The following TBL1XR1 variants were observed in gnomAD, a reference collection of about 807,000 sequenced individuals.
TBL1XR1 encodes F-box-like/WD repeat-containing protein TBL1XR1.
TBL1XR1 carries 5 observed loss-of-function variants against 66.9 expected under a neutral mutation model. The ratio of observed to expected loss-of-function variants is 0.07; its 90% confidence interval spans 0.04 to 0.16. The LOEUF (loss-of-function observed/expected upper bound fraction) is 0.16, where lower values mean the gene tolerates loss of function less well. Ranked by LOEUF, TBL1XR1 falls within the 10% of genes least tolerant of loss-of-function variation. TBL1XR1 has a pLI of 1.00. For missense variants in TBL1XR1, 238 were observed against 623.2 expected, an observed-to-expected ratio of 0.38 and a Z score of 6.58; for synonymous variants, 210 against 206.0, an observed-to-expected ratio of 1.02 and a Z score of -0.17.
At chr3:177,165,014 C>T (rs1732656695) in intron 1 of TBL1XR1, among the ~76,000 whole-genome samples, 2 of 151,998 alleles carry the variant, frequency 1.3e-5, no homozygotes, top group Admixed American at 6.6e-5. Context: ...TTTACTTAAC[C>T]TTAATGCCTT....
chr3:177,179,490 C>A (rs1002414870), intron 1 of TBL1XR1, among the ~76,000 whole-genome samples: 2 of 152,128 alleles, frequency 1.3e-5, no homozygotes, highest in African/African-American at 2.4e-5. Context: ...TAACTAAATT[C>A]TTAAGAGATA....
intron 1 of TBL1XR1, among the ~76,000 whole-genome samples, chr3:177,158,479 G>A (rs933980135): frequency 2.0e-5 from 3 of 151,870 alleles, no homozygotes; most frequent in East Asian, 1.9e-4. Flanking sequence ...CGCCCGCCTC[G>A]GCCTCCCAAT....
chr3:177,132,222 A>T (rs1047325165), intron 1 of TBL1XR1, among the ~76,000 whole-genome samples: 5 of 152,224 alleles, frequency 3.3e-5, no homozygotes, highest in African/African-American at 1.2e-4. Flanking sequence ...TGTGGCCAGC[A>T]GGAATATAAG....
At chr3:177,180,422 G>A (rs1464875179) in intron 1 of TBL1XR1, among the ~76,000 whole-genome samples, 1 of 144,958 alleles carries the variant, frequency 6.9e-6, no homozygotes, top group Non-Finnish European at 1.5e-5. Context: ...AACATTCAGA[G>A]GAAAACAAAA....
At chr3:177,033,841 A>T (rs556544395) in intron 13 of TBL1XR1, among the ~76,000 whole-genome samples, 1 of 152,292 alleles carries the variant, frequency 6.6e-6, no homozygotes, top group South Asian at 2.1e-4. Flanking sequence ...GGAAAACCAA[A>T]TATCATGTTC....
At chr3:177,067,497 T>G (rs1198998617) in intron 2 of TBL1XR1, among the ~76,000 whole-genome samples, 1 of 152,176 alleles carries the variant, frequency 6.6e-6, no homozygotes, top group African/African-American at 2.4e-5. Flanking sequence ...CAGCACCACC[T>G]AATGCATTCC....
At chr3:177,193,996 C>A (rs1736500314) in intron 1 of TBL1XR1, 1 of 152,260 alleles carries the variant, frequency 6.6e-6, no homozygotes, top group Non-Finnish European at 1.5e-5. Flanking sequence ...CCTCCTAGAG[C>A]ATAGCCCGGA....
rs1296360208 is a variant in TBL1XR1 at position 177,139,704 on chromosome 3, G to C, written c.-121-41163C>G. ...AAGAAAAAGAAAATTTGACAATCTA[G>C]AGAGTCCAACATTTACTTACAACGT... On this transcript the variant is annotated intron_variant, in intron 1 of 15. Transcript: ENST00000457928. Among the ~76,000 whole-genome samples, 3 of 151,136 alleles carry C rather than the reference G, an allele frequency of 2.0e-5. No individual in the cohort carries two copies. The East Asian group carries it at 5.8e-4, about 29-fold the overall frequency.
chr3:177,197,603 C>A (rs1437919257), upstream of TBL1XR1, among the ~76,000 whole-genome samples: 1 of 139,784 alleles, frequency 7.2e-6, no homozygotes, highest in African/African-American at 2.6e-5. Context: ...GCAAAACAAA[C>A]CCGAGCGGCC....
At chr3:177,187,278 C>G (rs920592288) in intron 1 of TBL1XR1, among the ~76,000 whole-genome samples, 3 of 151,790 alleles carry the variant, frequency 2.0e-5, no homozygotes, top group African/African-American at 7.3e-5. Context: ...CCTGCAATCC[C>G]AGCTGCTCGG....
chr3:177,172,261 C>CAA lies in TBL1XR1; in HGVS notation c.-122+24858_-122+24859dup, dbSNP rs35087965. On this transcript the variant is annotated intron_variant, in intron 1 of 15. Coordinates refer to ENST00000457928, the MANE Select transcript of TBL1XR1 (RefSeq NM_024665.7). ...GGGAGACAAAGCAAAACTCCCACCT[C>CAA]AAAAAAAAAAAAAAAAAAATTATAA... Among the ~76,000 whole-genome samples, 826 of 100,318 alleles carry CAA rather than the reference C, an allele frequency of 8.2e-3. 18 individuals carry two copies. Among genetic ancestry groups the CAA allele is most frequent in the Admixed American group, 0.028 (246 of 8,698 alleles). The allele number at this position is 100,318 out of a possible 152,430, so 65.8% of individuals were successfully genotyped here.
At chr3:177,109,258 A>C (rs879545728) in intron 1 of TBL1XR1, among the ~76,000 whole-genome samples, 32 of 152,276 alleles carry the variant, frequency 2.1e-4, no homozygotes, top group Non-Finnish European at 4.0e-4. Context: ...AAGCAACCAA[A>C]CATTCAATCA....
chr3:177,086,320 A>G (rs1722109922), intron 2 of TBL1XR1, among the ~76,000 whole-genome samples: 1 of 152,060 alleles, frequency 6.6e-6, no homozygotes, highest in African/African-American at 2.4e-5. Context: ...CATTTACAGC[A>G]CATCTCAATT....
rs1712950635 is a variant in TBL1XR1 at position 177,025,321 on chromosome 3, T to A, written c.*177A>T. 4.1e-6 allele frequency: 2 copies of A among 485,768 alleles called. No homozygotes were observed. The highest frequency in any genetic ancestry group is 9.7e-5 in the South Asian group (2 of 20,646). The allele number at this position is 485,768 out of a possible 1,614,324, so 30.1% of individuals were successfully genotyped here. On this transcript the variant is annotated 3_prime_UTR_variant, in exon 16 of 16. Transcript: ENST00000457928. ...CAGAATTCACAAGCTGTGACAAAAC[T>A]CTGTCATCTTCAGGGTGCAATTTTG...
intron 10 of TBL1XR1, among the ~76,000 whole-genome samples, chr3:177,039,991 T>C (rs1194517610): frequency 1.3e-5 from 2 of 152,170 alleles, no homozygotes; most frequent in African/African-American, 4.8e-5. Flanking sequence ...TGAAAGTTTG[T>C]CAACCCTAAT....
At chr3:177,055,344 A>G (rs1717658441) in intron 3 of TBL1XR1, among the ~76,000 whole-genome samples, 1 of 151,880 alleles carries the variant, frequency 6.6e-6, no homozygotes, top group African/African-American at 2.4e-5. Context: ...TTTCCTTGTA[A>G]CCCCTTCCTT....
At chr3:177,109,033 G>A (rs946829140) in intron 1 of TBL1XR1, among the ~76,000 whole-genome samples, 1 of 152,092 alleles carries the variant, frequency 6.6e-6, no homozygotes, top group Admixed American at 6.6e-5. Flanking sequence ...CTATAATAGA[G>A]ATGAAAATGT....
intron 1 of TBL1XR1, among the ~76,000 whole-genome samples, chr3:177,129,462 A>T (rs1193789066): frequency 1.3e-5 from 2 of 152,246 alleles, no homozygotes; most frequent in African/African-American, 2.4e-5. Context: ...CAGTAAAATA[A>T]ATCTCTTATA....
At chr3:177,073,372 T>C (rs1720285193) in intron 2 of TBL1XR1, among the ~76,000 whole-genome samples, 1 of 152,206 alleles carries the variant, frequency 6.6e-6, no homozygotes, top group African/African-American at 2.4e-5. Context: ...TGTGTTCATG[T>C]TGGAATACAT....
Sources: allele counts gnomAD v4.1 joint callset (sites outside exome capture counted in the v4.1 genomes callset), GRCh38; gene constraint gnomAD v4.1.1; transcripts MANE v1.5; gene names NCBI Gene and HGNC (gene_info 2026-07-23, HGNC 2026-07-21).